The following NLGN1 variants were observed in gnomAD, a reference collection of about 807,000 sequenced individuals.
NLGN1 encodes neuroligin 1.
Under a neutral mutation model 65.5 loss-of-function variants are expected in NLGN1, and 12 were observed. That is an observed-to-expected ratio of 0.18 (90% CI 0.12 to 0.30). The LOEUF (loss-of-function observed/expected upper bound fraction) is 0.30. Ranked by LOEUF, NLGN1 falls within the 10% of genes least tolerant of loss-of-function variation. The probability of loss-of-function intolerance (pLI) is 1.00; values close to 1 mark genes in which losing one functional copy is unlikely to be tolerated. For missense variants in NLGN1, 750 were observed against 1,007.1 expected, an observed-to-expected ratio of 0.74 and a Z score of 3.46; for synonymous variants, 350 against 359.5, an observed-to-expected ratio of 0.97 and a Z score of 0.30.
intron 4 of NLGN1, among the ~76,000 whole-genome samples, chr3:173,834,146 G>GT (rs1333406570): frequency 6.6e-6 from 1 of 151,996 alleles, no homozygotes; most frequent in Non-Finnish European, 1.5e-5. Context: ...CTAATTTTAA[G>GT]TGTTAACTTT....
intron 3 of NLGN1, among the ~76,000 whole-genome samples, chr3:173,687,065 A>G (rs1764797609): frequency 6.6e-6 from 1 of 152,160 alleles, no homozygotes; most frequent in Non-Finnish European, 1.5e-5. Context: ...AGTGTGTAGC[A>G]CTGGGACAGT....
intron 4 of NLGN1, among the ~76,000 whole-genome samples, chr3:173,852,350 C>T (rs1235690111): frequency 2.3e-5 from 2 of 86,794 alleles, no homozygotes; most frequent in African/African-American, 1.1e-4. Context: ...AGCGAGACTC[C>T]GTCTCAAAAA....
intron 4 of NLGN1, among the ~76,000 whole-genome samples, chr3:174,091,086 T>C (rs1744424119): frequency 1.3e-5 from 2 of 152,170 alleles, no homozygotes; most frequent in African/African-American, 4.8e-5. Flanking sequence ...AGCTCTGACC[T>C]TCCCAGGGCA....
At chr3:173,509,530 C>G (rs1199135470) in intron 2 of NLGN1, among the ~76,000 whole-genome samples, 2 of 152,088 alleles carry the variant, frequency 1.3e-5, no homozygotes, top group African/African-American at 4.8e-5. Context: ...GGAGGGTCAC[C>G]TGAGCTTGGG....
chr3:173,447,799 G>C (rs2148826878), intron 2 of NLGN1, among the ~76,000 whole-genome samples: 1 of 152,162 alleles, frequency 6.6e-6, no homozygotes, highest in Non-Finnish European at 1.5e-5. Flanking sequence ...TGGATTCCTA[G>C]GTATTTTATT....
At chr3:173,776,194 G>T (rs1780273176) in intron 3 of NLGN1, among the ~76,000 whole-genome samples, 1 of 152,084 alleles carries the variant, frequency 6.6e-6, no homozygotes, top group South Asian at 2.1e-4. Flanking sequence ...AAATATCGGG[G>T]TAATGAACAA....
intron 3 of NLGN1, among the ~76,000 whole-genome samples, chr3:173,756,141 C>A (rs200322787): frequency 2.2e-3 from 143 of 65,082 alleles, no homozygotes; most frequent in African/African-American, 5.7e-3. Context: ...TTTACACAAT[C>A]ACATTTACAC....
chr3:173,450,427 A>G (rs1269077571), intron 2 of NLGN1, among the ~76,000 whole-genome samples: 3 of 152,148 alleles, frequency 2.0e-5, no homozygotes, highest in Admixed American at 6.5e-5. Context: ...CTGCTGAGAG[A>G]TCAGCTGTTA....
At chr3:173,777,020 A>T (rs1330088764) in intron 3 of NLGN1, among the ~76,000 whole-genome samples, 1 of 151,970 alleles carries the variant, frequency 6.6e-6, no homozygotes, top group Non-Finnish European at 1.5e-5. Context: ...AGTAAGAGTG[A>T]TTAAAATCTC....
At chr3:174,254,306 A>ATTTTTTTTTTTTTTT (rs371427726) in intron 4 of NLGN1, among the ~76,000 whole-genome samples, 16 of 113,768 alleles carry the variant, frequency 1.4e-4, no homozygotes, top group African/African-American at 1.8e-4. Flanking sequence ...GTCCTTTTTA[A>ATTTTTTTTTTTTTTT]TTTTTTTTTT....
chr3:173,410,211 A>G (rs567655582), intron 1 of NLGN1, among the ~76,000 whole-genome samples: 1 of 152,312 alleles, frequency 6.6e-6, no homozygotes, highest in South Asian at 2.1e-4. Context: ...TAAAACTCTA[A>G]AAAGTATAGG....
chr3:173,447,905 T>C (rs1361677035), intron 2 of NLGN1, among the ~76,000 whole-genome samples: 2 of 152,222 alleles, frequency 1.3e-5, no homozygotes, highest in Non-Finnish European at 2.9e-5. Flanking sequence ...TTTTTGCACA[T>C]TGATTTTATA....
chr3:173,426,835 C>T (rs1350272142), intron 1 of NLGN1, among the ~76,000 whole-genome samples: 1 of 152,040 alleles, frequency 6.6e-6, no homozygotes, highest in Admixed American at 6.6e-5. Context: ...TAATGTTGAA[C>T]TCATAGAATG....
intron 3 of NLGN1, among the ~76,000 whole-genome samples, chr3:173,732,659 A>G (rs1773036573): frequency 6.6e-6 from 1 of 152,104 alleles, no homozygotes; most frequent in African/African-American, 2.4e-5. Flanking sequence ...GGTTTTTTAA[A>G]CAAATGCAAA....
At chr3:174,080,572 G>T (rs113939413) in intron 4 of NLGN1, among the ~76,000 whole-genome samples, 1 of 152,140 alleles carries the variant, frequency 6.6e-6, no homozygotes, top group Non-Finnish European at 1.5e-5. Flanking sequence ...CTGTCTGCAA[G>T]TTCAGTGGCC....
At chr3:173,966,453 A>G (rs1714884781) in intron 4 of NLGN1, among the ~76,000 whole-genome samples, 1 of 152,244 alleles carries the variant, frequency 6.6e-6, no homozygotes, top group African/African-American at 2.4e-5. Flanking sequence ...CATAAAGATA[A>G]TTGAACAATA....
intron 4 of NLGN1, among the ~76,000 whole-genome samples, chr3:173,931,636 TAGAGTC>T (rs1168715064): frequency 3.3e-5 from 5 of 152,002 alleles, no homozygotes; most frequent in Admixed American, 1.3e-4. Context: ...TGAGTAGAAA[TAGAGTC>T]AGAGAGTAGG....
rs13320538 is a variant in NLGN1, at chr3:173,483,616, G to T, written c.-321+48538G>T. Reference sequence around the variant, plus strand: ...TTAATGATATTGAACATTTTAAAATGTGAGCAACTTTATTTAAAATTTATT... The same window carrying T: ...TTAATGATATTGAACATTTTAAAATTTGAGCAACTTTATTTAAAATTTATT... On this transcript the variant is annotated intron_variant, in intron 2 of 6. Transcript: ENST00000457714. 4.5e-3 allele frequency among the ~76,000 whole-genome samples: 681 copies of T among 152,158 alleles called. 5 individuals are homozygous for T. The highest frequency in any genetic ancestry group is 0.016 in the African/African-American group (659 of 41,560).
chr3:174,256,470 T>G (rs1046731838), intron 4 of NLGN1, among the ~76,000 whole-genome samples: 2 of 152,180 alleles, frequency 1.3e-5, no homozygotes, highest in Non-Finnish European at 2.9e-5. Context: ...TCTATGAAAT[T>G]TAAGCCATTA....
Sources: gnomAD v4.1 joint callset for allele counts (sites outside exome capture counted in the v4.1 genomes callset) on GRCh38, gnomAD v4.1.1 for gene constraint, MANE v1.5 for transcripts, NCBI Gene and HGNC (gene_info 2026-07-23, HGNC 2026-07-21) for gene names.